The following TNR variants were observed in gnomAD, a reference collection of about 807,000 sequenced individuals.
TNR encodes tenascin-R.
Under a neutral mutation model 150.4 loss-of-function variants are expected in TNR, and 45 were observed. That is an observed-to-expected ratio of 0.30 (90% CI 0.24 to 0.38). TNR has a LOEUF of 0.38. Among genes scored for constraint, TNR ranks in the 10% least tolerant of loss-of-function variants. The pLI, the probability that TNR is intolerant of heterozygous loss-of-function variation, is 1.00. For synonymous variants in TNR, 687 were observed against 678.4 expected (o/e 1.01, Z -0.20); for missense variants, 1,544 against 1,759.1 (o/e 0.88, Z 2.19).
At chr1:175,646,122 G>A (rs768274226) in intron 1 of TNR, among the ~76,000 whole-genome samples, 2 of 152,130 alleles carry the variant, frequency 1.3e-5, no homozygotes, top group African/African-American at 2.4e-5. Flanking sequence ...CTAGTTGCAC[G>A]CATTTATATC....
intron 2 of TNR, among the ~76,000 whole-genome samples, chr1:175,454,296 T>G (rs1656460492): frequency 6.6e-6 from 1 of 152,232 alleles, no homozygotes; most frequent in South Asian, 2.1e-4. Context: ...CTGCTGGCCA[T>G]ACTGCATTCA....
intron 9 of TNR, among the ~76,000 whole-genome samples, 193 bp downstream of exon 9, chr1:175,379,359 A>T (rs1306454817): frequency 6.6e-6 from 1 of 152,156 alleles, no homozygotes; most frequent in East Asian, 1.9e-4. Context: ...TCCGTCTCAA[A>T]AAAAGGAGAT....
rs1166823752 is a variant in TNR, at chr1:175,379,748, A to G, written c.1778-11T>C. The G allele has an allele frequency of 1.2e-6, 2 of 1,613,522 alleles. No homozygotes were observed. The highest frequency in any genetic ancestry group is 1.7e-6 in the Non-Finnish European group (2 of 1,179,696). Reference sequence around the variant, plus strand: ...TGGGGGCATCGATCTCTAAAAATAGACAGACATCACCAACATCGCACATGA... The same window carrying G: ...TGGGGGCATCGATCTCTAAAAATAGGCAGACATCACCAACATCGCACATGA... On this transcript the variant is annotated splice_polypyrimidine_tract_variant and intron_variant, in intron 8 of 22. Coordinates refer to ENST00000367674, the MANE Select transcript of TNR (RefSeq NM_003285.3).
chr1:175,519,640 A>T lies in TNR; in HGVS notation c.-64+8629T>A, dbSNP rs923204836. Among the ~76,000 whole-genome samples, 4 of 152,308 alleles carry T rather than the reference A, an allele frequency of 2.6e-5. 1 individual carries two copies. On this transcript the variant is annotated intron_variant, in intron 2 of 22. Transcript: ENST00000367674. Reference sequence around the variant, plus strand: ...TCACAGCTTCAATTGCAGTGGCTCCATTACAATTCATTACCTCTTCTGATG... The same window carrying T: ...TCACAGCTTCAATTGCAGTGGCTCCTTTACAATTCATTACCTCTTCTGATG...
intron 2 of TNR, among the ~76,000 whole-genome samples, chr1:175,428,778 C>T (rs570998800): frequency 3.9e-5 from 6 of 152,226 alleles, no homozygotes; most frequent in South Asian, 2.1e-4. Flanking sequence ...TCTCATTTTA[C>T]GTAAGTGGAA....
rs57549413 is a variant in TNR at position 175,660,940 on chromosome 1, C to A, written c.-165+82286G>T. Among the ~76,000 whole-genome samples, 763 of 152,324 alleles carry A rather than the reference C, an allele frequency of 5.0e-3. 11 individuals are homozygous for A. Among genetic ancestry groups the A allele is most frequent in the African/African-American group, 0.018 (731 of 41,566 alleles). ...GGGCCCTGGGAGTGAGGGTCATGCCCCCAGGAATGGCATTAATGTCTGGCA... is the reference window on the plus strand; with the variant it reads ...GGGCCCTGGGAGTGAGGGTCATGCCACCAGGAATGGCATTAATGTCTGGCA... On this transcript the variant is annotated intron_variant, in intron 1 of 22. Transcript: ENST00000367674.
At position 175,387,280 on chromosome 1, in the gene TNR, T is replaced by G. The variant is rs1470697082; in HGVS notation, c.1508-979A>C. Among the ~76,000 whole-genome samples, 3 of 152,258 alleles carry G rather than the reference T, an allele frequency of 2.0e-5. No individual in the cohort carries two copies. In the East Asian group the frequency reaches 5.8e-4, roughly 29 times the overall value. On this transcript the variant is annotated intron_variant, in intron 7 of 22. Coordinates refer to ENST00000367674, the MANE Select transcript of TNR (RefSeq NM_003285.3). ...CATGGCCAACATGCTCTTGCCTCCA[T>G]GTTTTCATTTATTATTGGGGCTACA...
At chr1:175,451,357 C>T (rs919961758) in intron 2 of TNR, among the ~76,000 whole-genome samples, 24 of 152,184 alleles carry the variant, frequency 1.6e-4, no homozygotes, top group Admixed American at 3.9e-4. Context: ...TCTCCTAATG[C>T]TTTCCCTTCC....
chr1:175,335,682 A>C lies in TNR; in HGVS notation c.3631+29T>G, dbSNP rs200444153. The C allele has an allele frequency of 6.3e-6, 10 of 1,596,600 alleles. No individual in the cohort carries two copies. The Admixed American group carries it at 1.2e-4, about 19-fold the overall frequency. On this transcript the variant is annotated intron_variant, in intron 20 of 22. Transcript: ENST00000367674. ...GATGGACAAAAAGCCAGAGAAGCAC[A>C]TCAATGGAAAGCAATAAGGAGGCTT...
chr1:175,399,918 C>T (rs1464008698), intron 4 of TNR, among the ~76,000 whole-genome samples: 2 of 152,192 alleles, frequency 1.3e-5, no homozygotes, highest in African/African-American at 2.4e-5. Context: ...TAAGTGGTTT[C>T]GGGTGCCAAA....
At chr1:175,582,963 T>C (rs546028195) in intron 1 of TNR, among the ~76,000 whole-genome samples, 2 of 152,088 alleles carry the variant, frequency 1.3e-5, no homozygotes, top group Non-Finnish European at 2.9e-5. Flanking sequence ...TATGATGGCA[T>C]GCAAAAAAGC....
intron 2 of TNR, among the ~76,000 whole-genome samples, chr1:175,459,871 A>G (rs555510666): frequency 1.2e-3 from 182 of 150,946 alleles, no homozygotes; most frequent in African/African-American, 4.3e-3. Flanking sequence ...ATGAAAGAAC[A>G]AGAGAGAGAG....
chr1:175,699,749 A>G (rs970142137), intron 1 of TNR, among the ~76,000 whole-genome samples: 3 of 152,042 alleles, frequency 2.0e-5, no homozygotes, highest in African/African-American at 7.2e-5. Flanking sequence ...GGGCATAGAA[A>G]CTTTAGCAAA....
At chr1:175,670,396 A>C (rs574088109) in intron 1 of TNR, among the ~76,000 whole-genome samples, 114 of 152,360 alleles carry the variant, frequency 7.5e-4, no homozygotes, top group African/African-American at 2.6e-3. Flanking sequence ...TAAAAAAGGC[A>C]GAGGTGGGTA....
At chr1:175,426,437 TGAG>T (rs1301866391) in intron 2 of TNR, among the ~76,000 whole-genome samples, 1 of 152,170 alleles carries the variant, frequency 6.6e-6, no homozygotes, top group Non-Finnish European at 1.5e-5. Flanking sequence ...CAGGGATGGA[TGAG>T]GAGGTGGTGC....
rs537434117 is a variant in TNR, at chr1:175,391,474, A to G, written c.1357-36T>C. The G allele has an allele frequency of 6.2e-6, 10 of 1,602,756 alleles. 1 individual carries two copies. The African/African-American group carries it at 1.1e-4, about 17-fold the overall frequency. On this transcript the variant is annotated intron_variant, in intron 6 of 22. Coordinates refer to ENST00000367674, the MANE Select transcript of TNR (RefSeq NM_003285.3). ...GGGAGAAGCAGAGAGCAAAAGAGAA[A>G]AGTCACTGGGAGAGAAATCTGATGA...
intron 6 of TNR, among the ~76,000 whole-genome samples, chr1:175,392,839 A>G (rs1006645376): frequency 7.2e-5 from 11 of 152,200 alleles, no homozygotes; most frequent in Admixed American, 3.9e-4. Context: ...AAATTAAACT[A>G]AACTAGATGT....
At chr1:175,430,481 T>C (rs1354042915) in intron 2 of TNR, among the ~76,000 whole-genome samples, 1 of 152,192 alleles carries the variant, frequency 6.6e-6, no homozygotes, top group Non-Finnish European at 1.5e-5. Flanking sequence ...TCCTGGAATA[T>C]TTCCCACTAC....
At chr1:175,693,246 T>C (rs535204308) in intron 1 of TNR, among the ~76,000 whole-genome samples, 1 of 152,348 alleles carries the variant, frequency 6.6e-6, no homozygotes, top group Non-Finnish European at 1.5e-5. Context: ...GTGGCCACAC[T>C]GCTCACTTCT....
Sources: allele counts gnomAD v4.1 joint callset (sites outside exome capture counted in the v4.1 genomes callset), GRCh38; gene constraint gnomAD v4.1.1; transcripts MANE v1.5; gene names NCBI Gene and HGNC (gene_info 2026-07-23, HGNC 2026-07-21).